The following CNTN4 variants were observed in gnomAD, a reference collection of about 807,000 sequenced individuals.
CNTN4 encodes contactin-4.
Under a neutral mutation model 122.5 loss-of-function variants are expected in CNTN4, and 77 were observed. That is an observed-to-expected ratio of 0.63 (90% CI 0.52 to 0.76). The LOEUF (loss-of-function observed/expected upper bound fraction) is 0.76. Among genes scored for constraint, CNTN4 ranks in the 30% least tolerant of loss-of-function variants. The pLI is 0.00. For synonymous variants in CNTN4, 512 were observed against 447.0 expected (o/e 1.15, Z -1.83); for missense variants, 1,256 against 1,259.1 (o/e 1.00, Z 0.04).
At position 2,276,306 on chromosome 3, in the gene CNTN4, A is replaced by C. The variant is rs372394074; in HGVS notation, c.-144-62872A>C. 8.4e-4 allele frequency among the ~76,000 whole-genome samples: 128 copies of C among 151,842 alleles called. 2 individuals carry two copies. Among genetic ancestry groups the C allele is most frequent in the African/African-American group, 3.0e-3 (124 of 41,440 alleles). On this transcript the variant is annotated intron_variant, in intron 2 of 24. Transcript: ENST00000418658. ...TCCTGCCTCAGCCTCCCGAGTAGGT[A>C]GGATTACAGGTGCAAGCCACTGTGC... is the stretch of plus-strand genomic sequence containing the variant.
intron 3 of CNTN4, among the ~76,000 whole-genome samples, chr3:2,387,782 T>G (rs2046303847): frequency 6.6e-6 from 1 of 152,208 alleles, no homozygotes; most frequent in African/African-American, 2.4e-5. Context: ...ACTTCCATTA[T>G]TCTTCATTAT....
intron 3 of CNTN4, among the ~76,000 whole-genome samples, chr3:2,546,491 C>G (rs914768985): frequency 8.6e-5 from 13 of 151,928 alleles, no homozygotes; most frequent in Non-Finnish European, 1.8e-4. Context: ...ACTGGGGCCT[C>G]CTTGAGGGTG....
chr3:2,742,082 A>G (rs973205505), intron 5 of CNTN4, among the ~76,000 whole-genome samples: 1 of 152,158 alleles, frequency 6.6e-6, no homozygotes, highest in African/African-American at 2.4e-5. Flanking sequence ...GAGATCAAGT[A>G]TTTTCAGACA....
intron 2 of CNTN4, among the ~76,000 whole-genome samples, chr3:2,315,898 T>G (rs751099287): frequency 6.6e-6 from 1 of 152,100 alleles, no homozygotes; most frequent in Non-Finnish European, 1.5e-5. Flanking sequence ...TGAACATATA[T>G]ATGACCTTTG....
chr3:2,859,382 T>G (rs1229408342), intron 7 of CNTN4, among the ~76,000 whole-genome samples: 1 of 152,188 alleles, frequency 6.6e-6, no homozygotes, highest in African/African-American at 2.4e-5. Context: ...TGCAGATACG[T>G]CTCTTCAACA....
intron 10 of CNTN4, among the ~76,000 whole-genome samples, chr3:2,896,089 T>C (rs2094111943): frequency 6.6e-6 from 1 of 151,940 alleles, no homozygotes; most frequent in Non-Finnish European, 1.5e-5. Context: ...GTGTTAGACA[T>C]CATTAGGTCC....
At chr3:3,031,745 G>A (rs1699186180) in intron 16 of CNTN4, among the ~76,000 whole-genome samples, 1 of 152,064 alleles carries the variant, frequency 6.6e-6, no homozygotes, top group African/African-American at 2.4e-5. Flanking sequence ...ATGCTCAGGG[G>A]TTTTCTATAG....
At chr3:2,299,018 C>G (rs1553618748) in intron 2 of CNTN4, among the ~76,000 whole-genome samples, 1 of 152,092 alleles carries the variant, frequency 6.6e-6, no homozygotes, top group Non-Finnish European at 1.5e-5. Context: ...TTTCACCTGT[C>G]GGGGGGTTTT....
chr3:2,472,153 C>CA (rs570896250), intron 3 of CNTN4, among the ~76,000 whole-genome samples: 3,003 of 90,868 alleles, frequency 0.033, 64 homozygotes, highest in African/African-American at 0.087. Flanking sequence ...AATTCCATCT[C>CA]AAAAAAAAAA....
chr3:2,204,528 G>A (rs2038248783), intron 2 of CNTN4, among the ~76,000 whole-genome samples: 1 of 152,098 alleles, frequency 6.6e-6, no homozygotes, highest in African/African-American at 2.4e-5. Context: ...TAAAACTTCT[G>A]AATGGCTTTT....
At chr3:2,583,375 G>C (rs1248788285) in intron 4 of CNTN4, among the ~76,000 whole-genome samples, 10 of 152,208 alleles carry the variant, frequency 6.6e-5, no homozygotes, top group African/African-American at 2.4e-4. Context: ...ATTTGCCCAA[G>C]TTCACATGGC....
chr3:3,027,526 A>C (rs1045246124), intron 15 of CNTN4, among the ~76,000 whole-genome samples: 10 of 152,218 alleles, frequency 6.6e-5, no homozygotes, highest in South Asian at 2.1e-4. Context: ...CTAGGAAAGT[A>C]CATAGCCCAA....
chr3:2,905,085 C>G lies in CNTN4; in HGVS notation c.1207+2080C>G, dbSNP rs1301757436. ...ACCACTCTGCACAGCCCTCCCCTCT[C>G]TCCCTCTAGTACTAGGATTCAAGGC... On this transcript the variant is annotated intron_variant, in intron 12 of 24. Coordinates refer to ENST00000418658, the MANE Select transcript of CNTN4 (RefSeq NM_175607.3). Among the ~76,000 whole-genome samples the G allele has an allele frequency of 2.0e-5, 3 of 152,282 alleles. No homozygotes were observed. The South Asian group carries it at 6.2e-4, about 32-fold the overall frequency.
chr3:2,651,964 T>C (rs938241949), intron 4 of CNTN4, among the ~76,000 whole-genome samples: 13 of 151,742 alleles, frequency 8.6e-5, no homozygotes, highest in African/African-American at 3.1e-4. Flanking sequence ...GCCTTGGCCT[T>C]CCAAAGTGCT....
chr3:2,893,133 C>CA (rs1282363607), intron 10 of CNTN4, among the ~76,000 whole-genome samples: 2 of 151,960 alleles, frequency 1.3e-5, no homozygotes, highest in Non-Finnish European at 2.9e-5. Context: ...TTATTGAGTC[C>CA]AAAAAAACCC....
At chr3:2,383,062 C>T (rs1254700841) in intron 3 of CNTN4, among the ~76,000 whole-genome samples, 8 of 147,646 alleles carry the variant, frequency 5.4e-5, no homozygotes, top group Non-Finnish European at 7.4e-5. Flanking sequence ...GTGACAACAG[C>T]GAAAATCCAT....
At chr3:2,961,102 C>T (rs1290322509) in intron 13 of CNTN4, among the ~76,000 whole-genome samples, 3 of 142,210 alleles carry the variant, frequency 2.1e-5, no homozygotes, top group Admixed American at 7.2e-5. Context: ...TGGTGATGGG[C>T]GCCTGTAGTC....
chr3:2,357,672 G>T (rs764288580), intron 3 of CNTN4, among the ~76,000 whole-genome samples: 2 of 152,208 alleles, frequency 1.3e-5, no homozygotes, highest in Non-Finnish European at 2.9e-5. Flanking sequence ...GGAGACTGAT[G>T]AGAATAAAAC....
chr3:2,679,240 T>A (rs558185819), intron 4 of CNTN4, among the ~76,000 whole-genome samples: 48 of 152,180 alleles, frequency 3.2e-4, no homozygotes, highest in Non-Finnish European at 6.0e-4. Context: ...TTAACACTAA[T>A]CATTGGAGAT....
Sources: gnomAD v4.1 joint callset for allele counts (sites outside exome capture counted in the v4.1 genomes callset) on GRCh38, gnomAD v4.1.1 for gene constraint, MANE v1.5 for transcripts, NCBI Gene and HGNC (gene_info 2026-07-23, HGNC 2026-07-21) for gene names.